The following ZNF532 variants were observed in gnomAD, a reference collection of about 807,000 sequenced individuals.
ZNF532 encodes zinc finger protein 532.
Under a neutral mutation model 89.3 loss-of-function variants are expected in ZNF532, and 22 were observed. That is an observed-to-expected ratio of 0.25 (90% CI 0.18 to 0.35). The LOEUF (loss-of-function observed/expected upper bound fraction) is 0.35, where lower values mean the gene tolerates loss of function less well. Among genes scored for constraint, ZNF532 ranks in the 10% least tolerant of loss-of-function variants. The probability of loss-of-function intolerance (pLI) is 1.00; values close to 1 mark genes in which losing one functional copy is unlikely to be tolerated. For missense variants in ZNF532, 1,132 were observed against 1,643.4 expected, an observed-to-expected ratio of 0.69 and a Z score of 5.38; for synonymous variants, 606 against 649.6, an observed-to-expected ratio of 0.93 and a Z score of 1.02.
chr18:58,884,004 A>G (rs1172890323), intron 2 of ZNF532, among the ~76,000 whole-genome samples: 1 of 151,340 alleles, frequency 6.6e-6, no homozygotes, highest in African/African-American at 2.4e-5. Context: ...TTCAGCTACT[A>G]GTTTTCTCTT....
chr18:58,950,852 C>T (rs2064088698), intron 6 of ZNF532, among the ~76,000 whole-genome samples: 1 of 152,144 alleles, frequency 6.6e-6, no homozygotes, highest in Non-Finnish European at 1.5e-5. Context: ...CCATGTTGCC[C>T]AGGCTGAACC....
intron 2 of ZNF532, among the ~76,000 whole-genome samples, chr18:58,888,808 TAA>T (rs1233473371): frequency 0.015 from 733 of 47,722 alleles, 46 homozygotes; most frequent in East Asian, 0.11. Context: ...TTTATATATA[TAA>T]AAAATTATAT....
At chr18:58,940,986 T>A (rs1368191193) in intron 5 of ZNF532, among the ~76,000 whole-genome samples, 1 of 149,746 alleles carries the variant, frequency 6.7e-6, no homozygotes, top group Non-Finnish European at 1.5e-5. Context: ...TCTCTCTCTC[T>A]CTCTCCTGGC....
At chr18:58,901,250 T>C (rs567459450) in intron 2 of ZNF532, among the ~76,000 whole-genome samples, 8 of 152,338 alleles carry the variant, frequency 5.3e-5, no homozygotes, top group African/African-American at 1.9e-4. Context: ...TCTTGGCTTC[T>C]AGCACTTTTC....
chr18:58,869,113 A>C (rs2056749141), intron 2 of ZNF532, among the ~76,000 whole-genome samples: 1 of 152,220 alleles, frequency 6.6e-6, no homozygotes. Context: ...TACGTGGGCC[A>C]TTGTTGACCA....
intron 5 of ZNF532, among the ~76,000 whole-genome samples, chr18:58,947,752 C>T (rs535489816): frequency 1.8e-4 from 28 of 152,016 alleles, no homozygotes; most frequent in Middle Eastern, 3.4e-3. Flanking sequence ...TGCTTTTGCT[C>T]TGTGTTAAAG....
intron 5 of ZNF532, among the ~76,000 whole-genome samples, chr18:58,947,316 C>G (rs931394455): frequency 6.6e-6 from 1 of 152,150 alleles, no homozygotes; most frequent in African/African-American, 2.4e-5. Flanking sequence ...GCCCTCGTTT[C>G]AGTAGAGAGT....
intron 4 of ZNF532, among the ~76,000 whole-genome samples, chr18:58,935,258 C>G (rs565511345): frequency 1.6e-5 from 1 of 62,618 alleles, no homozygotes; most frequent in African/African-American, 6.5e-5. Context: ...CTCCTCCTCC[C>G]TCTCCCCCTC....
At chr18:58,884,550 C>G (rs2058151391) in intron 2 of ZNF532, among the ~76,000 whole-genome samples, 1 of 152,208 alleles carries the variant, frequency 6.6e-6, no homozygotes, top group African/African-American at 2.4e-5. Flanking sequence ...TATTCTTTTT[C>G]TATACTCAAA....
intron 2 of ZNF532, among the ~76,000 whole-genome samples, chr18:58,904,333 C>T (rs1389258234): frequency 2.0e-5 from 3 of 150,398 alleles, no homozygotes; most frequent in Non-Finnish European, 4.4e-5. Flanking sequence ...GCCTAGGCAA[C>T]CTAGTGAGAC....
intron 2 of ZNF532, among the ~76,000 whole-genome samples, chr18:58,915,348 C>T (rs2060528083): frequency 6.6e-6 from 1 of 152,212 alleles, no homozygotes; most frequent in Non-Finnish European, 1.5e-5. Context: ...CATCAGTTCA[C>T]TCTGACCTCT....
At chr18:58,883,826 T>A (rs1316416147) in intron 2 of ZNF532, among the ~76,000 whole-genome samples, 1 of 152,112 alleles carries the variant, frequency 6.6e-6, no homozygotes, top group Non-Finnish European at 1.5e-5. Context: ...TTGCTAAATA[T>A]AATTGGTGAT....
At chr18:58,957,786 G>A (rs1454663318) in intron 7 of ZNF532, among the ~76,000 whole-genome samples, 1 of 151,992 alleles carries the variant, frequency 6.6e-6, no homozygotes, top group African/African-American at 2.4e-5. Context: ...AGAACTGGCC[G>A]GGCATGGTGG....
At position 58,872,507 on chromosome 18, in the gene ZNF532, C is replaced by G. The variant is rs368077433; in HGVS notation, c.-18+6928C>G. ...TAAAAAGGTTAGAAAATTCAAAGCCCTCTGTTTTAAAGGACCCCATAGCTG... is the reference window on the plus strand; with the variant it reads ...TAAAAAGGTTAGAAAATTCAAAGCCGTCTGTTTTAAAGGACCCCATAGCTG... On this transcript the variant is annotated intron_variant, in intron 2 of 9. Coordinates refer to ENST00000591808, the MANE Select transcript of ZNF532 (RefSeq NM_001375912.1). Among the ~76,000 whole-genome samples, 4 of 152,038 alleles carry G rather than the reference C, an allele frequency of 2.6e-5. No individual in the cohort carries two copies. In the East Asian group the frequency reaches 5.8e-4, roughly 22 times the overall value.
chr18:58,962,704 C>T lies in ZNF532; in HGVS notation c.3150+8905C>T, dbSNP rs190517635. 3.8e-4 allele frequency among the ~76,000 whole-genome samples: 58 copies of T among 151,842 alleles called. No homozygotes were observed. In the East Asian group the frequency reaches 0.011, roughly 28 times the overall value. On this transcript the variant is annotated intron_variant, in intron 7 of 9. Coordinates refer to ENST00000591808, the MANE Select transcript of ZNF532 (RefSeq NM_001375912.1). Reference sequence around the variant, plus strand: ...TGCAAGCTCCCACCCTGGGTTCAAGCGATTCTCCTGCCTCAGCCTCCTGAA... The same window carrying T: ...TGCAAGCTCCCACCCTGGGTTCAAGTGATTCTCCTGCCTCAGCCTCCTGAA...
intron 3 of ZNF532, among the ~76,000 whole-genome samples, chr18:58,921,370 C>T: frequency 6.6e-6 from 1 of 152,140 alleles, no homozygotes; most frequent in Non-Finnish European, 1.5e-5. Flanking sequence ...ATTTATCTAT[C>T]TGCTGGCAGC....
intron 7 of ZNF532, chr18:58,977,804 C>CA: frequency 6.6e-6 from 1 of 152,276 alleles, no homozygotes. Context: ...GCCGAGATGA[C>CA]ACCGCTGCAC....
At chr18:58,938,664 A>G (rs775200746) in intron 4 of ZNF532, among the ~76,000 whole-genome samples, 14 of 152,184 alleles carry the variant, frequency 9.2e-5, no homozygotes, top group Non-Finnish European at 2.1e-4. Context: ...ATCAGTGTGT[A>G]CCAGGAAACA....
chr18:58,891,467 T>A (rs2058898701), intron 2 of ZNF532, among the ~76,000 whole-genome samples: 1 of 152,144 alleles, frequency 6.6e-6, no homozygotes, highest in Admixed American at 6.5e-5. Context: ...GAGGCAGAGG[T>A]TGCAGTGAGC....
Sources: allele counts gnomAD v4.1 joint callset (sites outside exome capture counted in the v4.1 genomes callset), GRCh38; gene constraint gnomAD v4.1.1; transcripts MANE v1.5; gene names NCBI Gene and HGNC (gene_info 2026-07-23, HGNC 2026-07-21).